Variants in GRM5 observed in about 807,000 individuals in gnomAD.
GRM5 encodes metabotropic glutamate receptor 5.
In GRM5, 19 loss-of-function variants were observed where a neutral mutation model predicts 83.1. The observed-to-expected ratio is 0.23, with a 90% CI of 0.16 to 0.34. GRM5 has a LOEUF of 0.34. GRM5 is among the 10% of genes least tolerant of loss of function. The probability of loss-of-function intolerance (pLI) is 1.00; values close to 1 mark genes in which losing one functional copy is unlikely to be tolerated. For missense variants in GRM5, 1,160 were observed against 1,588.3 expected (o/e 0.73, Z 4.58); for synonymous variants, 675 against 633.6 (o/e 1.07, Z -0.98).
chr11:88,816,069 C>T (rs1590879588), intron 3 of GRM5, among the ~76,000 whole-genome samples: 1 of 145,272 alleles, frequency 6.9e-6, no homozygotes, highest in African/African-American at 2.7e-5. Context: ...AAAAATTAGC[C>T]GGGCGCGATG....
At chr11:88,623,037 G>C (rs1938684185) in intron 4 of GRM5, among the ~76,000 whole-genome samples, 1 of 152,098 alleles carries the variant, frequency 6.6e-6, no homozygotes. Flanking sequence ...GCAACTGCTT[G>C]TTAAGTGTTA....
intron 3 of GRM5, among the ~76,000 whole-genome samples, chr11:88,775,208 ATT>A (rs934385806): frequency 2.4e-4 from 36 of 152,004 alleles, no homozygotes; most frequent in Admixed American, 6.5e-4. Flanking sequence ...TTTCTTCTAG[ATT>A]TTCTAGTTTA....
intron 3 of GRM5, among the ~76,000 whole-genome samples, chr11:88,745,011 T>C (rs968221442): frequency 3.3e-5 from 5 of 152,094 alleles, no homozygotes; most frequent in African/African-American, 1.2e-4. Flanking sequence ...TTTTAATTGA[T>C]ACTCAATTAT....
chr11:88,673,316 G>A (rs1940238681), intron 3 of GRM5, among the ~76,000 whole-genome samples: 1 of 151,798 alleles, frequency 6.6e-6, no homozygotes, highest in South Asian at 2.1e-4. Context: ...AATATTCTAT[G>A]GAGTATGAGG....
At chr11:88,766,585 C>A (rs1942628468) in intron 3 of GRM5, among the ~76,000 whole-genome samples, 1 of 151,914 alleles carries the variant, frequency 6.6e-6, no homozygotes, top group Non-Finnish European at 1.5e-5. Flanking sequence ...AATGTAAAAT[C>A]CAAAACTATA....
At chr11:88,982,774 A>AT (rs1466439928) in intron 2 of GRM5, among the ~76,000 whole-genome samples, 1 of 152,164 alleles carries the variant, frequency 6.6e-6, no homozygotes. Flanking sequence ...TTTCCATCTT[A>AT]TATAGAAGTT....
chr11:88,993,407 A>G lies in GRM5; in HGVS notation c.661+53805T>C, dbSNP rs186780273. Among the ~76,000 whole-genome samples the G allele has an allele frequency of 9.2e-5, 14 of 152,118 alleles. No homozygotes were observed. The East Asian group carries it at 2.7e-3, about 29-fold the overall frequency. On this transcript the variant is annotated intron_variant, in intron 2 of 9. Transcript: ENST00000305447. The stretch of plus-strand genomic sequence containing the variant: ...CCCTTATTAAAGATTAGTTGACCAT[A>G]TATGTGTGTTTAACTCTGGGCTCTC...
intron 2 of GRM5, among the ~76,000 whole-genome samples, chr11:88,919,365 T>G (rs1945651430): frequency 6.7e-6 from 1 of 149,640 alleles, no homozygotes; most frequent in Non-Finnish European, 1.5e-5. Context: ...TTTAAATATA[T>G]ATGCGCCTAA....
intron 3 of GRM5, among the ~76,000 whole-genome samples, chr11:88,656,803 G>A (rs954108636): frequency 1.3e-5 from 2 of 151,948 alleles, no homozygotes; most frequent in Admixed American, 1.3e-4. Flanking sequence ...TAAAAAACAA[G>A]ACAGTATAAT....
At chr11:89,062,392 A>G (rs1319158035) in intron 1 of GRM5, among the ~76,000 whole-genome samples, 1 of 152,194 alleles carries the variant, frequency 6.6e-6, no homozygotes, top group Non-Finnish European at 1.5e-5. Flanking sequence ...GTCCTGGTCA[A>G]TGCACCTTTG....
intron 8 of GRM5, among the ~76,000 whole-genome samples, chr11:88,541,605 A>C (rs1156400215): frequency 6.6e-6 from 1 of 152,210 alleles, no homozygotes; most frequent in Non-Finnish European, 1.5e-5. Flanking sequence ...CTGGATTTGG[A>C]GTTAATTAAC....
intron 3 of GRM5, among the ~76,000 whole-genome samples, chr11:88,667,442 A>T (rs546562607): frequency 2.6e-5 from 4 of 152,298 alleles, no homozygotes; most frequent in African/African-American, 7.2e-5. Context: ...AGTAATTCAC[A>T]CTCAGGTTTA....
chr11:88,612,191 C>T (rs1291621785), intron 4 of GRM5, among the ~76,000 whole-genome samples: 6 of 142,938 alleles, frequency 4.2e-5, no homozygotes, highest in Admixed American at 7.3e-5. Context: ...TTGTTCAATT[C>T]CCACCTATGA....
rs529873745 is a variant in GRM5, at chr11:88,980,722, C to G, written c.661+66490G>C. 2.7e-3 allele frequency among the ~76,000 whole-genome samples: 418 copies of G among 152,038 alleles called. 3 individuals carry two copies. Among genetic ancestry groups the G allele is most frequent in the African/African-American group, 9.6e-3 (400 of 41,460 alleles). ...CCTGTAGTCCCAGCTACTTGGGAGG[C>G]TGATGCAGGAGAATGGCATGAACCC... is the stretch of plus-strand genomic sequence containing the variant. On this transcript the variant is annotated intron_variant, in intron 2 of 9. Coordinates refer to ENST00000305447, the MANE Select transcript of GRM5 (RefSeq NM_001143831.3).
At chr11:88,908,229 T>C (rs1328215255) in intron 2 of GRM5, among the ~76,000 whole-genome samples, 1 of 152,080 alleles carries the variant, frequency 6.6e-6, no homozygotes, top group African/African-American at 2.4e-5. Flanking sequence ...GCAAACCTAC[T>C]CTCCCCTGTC....
At chr11:88,665,472 C>G (rs551208740) in intron 3 of GRM5, among the ~76,000 whole-genome samples, 25 of 152,258 alleles carry the variant, frequency 1.6e-4, no homozygotes, top group African/African-American at 5.8e-4. Flanking sequence ...CCACGACACT[C>G]AGAAACCTAT....
intron 2 of GRM5, among the ~76,000 whole-genome samples, chr11:88,886,257 C>G (rs573178244): frequency 6.6e-6 from 1 of 152,210 alleles, no homozygotes; most frequent in South Asian, 2.1e-4. Flanking sequence ...TTTCCTGGTG[C>G]GTGATGACAA....
chr11:88,823,228 T>C (rs1489221814), intron 3 of GRM5, among the ~76,000 whole-genome samples: 1 of 151,128 alleles, frequency 6.6e-6, no homozygotes, highest in Non-Finnish European at 1.5e-5. Context: ...ATTATATTCC[T>C]TTGTGGAATA....
At chr11:88,781,410 C>T (rs185667513) in intron 3 of GRM5, among the ~76,000 whole-genome samples, 179 of 152,180 alleles carry the variant, frequency 1.2e-3, no homozygotes, top group African/African-American at 4.2e-3. Flanking sequence ...TATACAGGTA[C>T]ACATCTTTCA....
Sources: gnomAD v4.1 joint callset for allele counts (sites outside exome capture counted in the v4.1 genomes callset) on GRCh38, gnomAD v4.1.1 for gene constraint, MANE v1.5 for transcripts, NCBI Gene and HGNC (gene_info 2026-07-23, HGNC 2026-07-21) for gene names.